RNF144A: variants seen among roughly 807,000 people sequenced by gnomAD.
RNF144A encodes the protein E3 ubiquitin-protein ligase RNF144A.
Under a neutral mutation model 38.7 loss-of-function variants are expected in RNF144A, and 11 were observed. The ratio of observed to expected loss-of-function variants is 0.28; its 90% CI spans 0.18 to 0.47. The LOEUF is 0.47. Among genes scored for constraint, RNF144A ranks in the 20% least tolerant of loss-of-function variants. The probability of loss-of-function intolerance (pLI) is 0.99; values close to 1 mark genes in which losing one functional copy is unlikely to be tolerated. For missense variants in RNF144A, 316 were observed against 377.2 expected, an observed-to-expected ratio of 0.84 and a Z score of 1.34; for synonymous variants, 149 against 143.9, an observed-to-expected ratio of 1.04 and a Z score of -0.25.
chr2:7,059,919 A>G (rs931765076), intron 6 of RNF144A, among the ~76,000 whole-genome samples: 2 of 152,222 alleles, frequency 1.3e-5, no homozygotes, highest in Admixed American at 6.5e-5. Context: ...AGGTAGAAAA[A>G]TAAAGTTATG....
At chr2:7,052,675 G>A (rs1355901734) in intron 6 of RNF144A, among the ~76,000 whole-genome samples, 1 of 152,154 alleles carries the variant, frequency 6.6e-6, no homozygotes, top group Non-Finnish European at 1.5e-5. Flanking sequence ...GTTTCAGAAG[G>A]GAAGACTCTG....
At chr2:7,003,445 A>T (rs892863962) in intron 3 of RNF144A, among the ~76,000 whole-genome samples, 36 of 152,210 alleles carry the variant, frequency 2.4e-4, no homozygotes, top group Non-Finnish European at 4.6e-4. Context: ...CTATGTTTAG[A>T]AATTTAGATG....
chr2:7,001,404 C>T (rs1307730156), intron 3 of RNF144A, among the ~76,000 whole-genome samples: 1 of 152,144 alleles, frequency 6.6e-6, no homozygotes, highest in Non-Finnish European at 1.5e-5. Flanking sequence ...TGCCCAGGCA[C>T]AGTGTCTCCT....
chr2:7,020,325 T>C (rs1671434027), intron 5 of RNF144A, 148 bp from the exon 6 acceptor site: 1 of 665,628 alleles, frequency 1.5e-6, no homozygotes, highest in Non-Finnish European at 2.6e-6. Context: ...AAGGGTGGCT[T>C]GGGCGGTGCT....
At chr2:6,998,555 A>G (rs1669905307) in intron 3 of RNF144A, among the ~76,000 whole-genome samples, 1 of 152,250 alleles carries the variant, frequency 6.6e-6, no homozygotes. Context: ...AGAGCTAATC[A>G]GTAAAATCTC....
intron 1 of RNF144A, among the ~76,000 whole-genome samples, chr2:6,934,648 C>T (rs528853918): frequency 6.6e-6 from 1 of 152,142 alleles, no homozygotes; most frequent in South Asian, 2.1e-4. Context: ...TTTTCCCAGC[C>T]TATTTTTTCC....
At chr2:6,984,171 C>A (rs373677076) in intron 2 of RNF144A, among the ~76,000 whole-genome samples, 1 of 152,126 alleles carries the variant, frequency 6.6e-6, no homozygotes, top group African/African-American at 2.4e-5. Context: ...TGTATCTTAC[C>A]GATTTATCTA....
intron 7 of RNF144A, among the ~76,000 whole-genome samples, chr2:7,028,181 G>A (rs760001166): frequency 3.3e-5 from 5 of 152,210 alleles, no homozygotes; most frequent in Non-Finnish European, 7.3e-5. Context: ...TGAAGGCTGA[G>A]TGAGTTTGTT....
Position 7,041,251 on chromosome 2 carries a change from T to C in RNF144A, c.*1491T>C, listed in dbSNP as rs1673024711. ...ACAAGCACATTTTTAAAATGTTGCT[T>C]TGTGTGTGTTTGACTTCTGCATTTG... On this transcript the variant is annotated 3_prime_UTR_variant, in exon 9 of 9. Transcript: ENST00000320892. The C allele has an allele frequency of 1.0e-6, 1 of 985,696 alleles. No individual in the cohort carries two copies. The highest frequency in any genetic ancestry group is 1.2e-6 in the Non-Finnish European group (1 of 829,938). 61.1% of individuals were successfully genotyped at this position (985,696 alleles called of 1,614,324 possible).
chr2:6,976,422 A>G (rs1029212981), intron 2 of RNF144A, among the ~76,000 whole-genome samples: 1 of 151,948 alleles, frequency 6.6e-6, no homozygotes, highest in Non-Finnish European at 1.5e-5. Flanking sequence ...TTTTTATTCA[A>G]TTGTTGCTCT....
chr2:6,932,146 CTT>C (rs781587554), intron 1 of RNF144A, among the ~76,000 whole-genome samples: 9 of 152,124 alleles, frequency 5.9e-5, no homozygotes, highest in Non-Finnish European at 8.8e-5. Context: ...AAATTGATCT[CTT>C]TATTATTTTG....
At chr2:7,022,511 C>T (rs1016714803) in intron 6 of RNF144A, among the ~76,000 whole-genome samples, 1 of 152,186 alleles carries the variant, frequency 6.6e-6, no homozygotes, top group Non-Finnish European at 1.5e-5. Context: ...TACACCAGAA[C>T]TTTCATATTT....
intron 7 of RNF144A, among the ~76,000 whole-genome samples, chr2:7,025,512 A>G (rs1671826202): frequency 6.6e-6 from 1 of 152,068 alleles, no homozygotes; most frequent in Non-Finnish European, 1.5e-5. Context: ...TGTCTCTACT[A>G]AAAATACAAA....
At chr2:7,048,739 A>G (rs769732794), downstream of RNF144A, among the ~76,000 whole-genome samples, 4 of 152,232 alleles carry the variant, frequency 2.6e-5, no homozygotes, top group Non-Finnish European at 4.4e-5. Flanking sequence ...GATTTCCACA[A>G]TCTGAAGCAG....
intron 1 of RNF144A, among the ~76,000 whole-genome samples, chr2:6,932,847 C>T (rs1281505516): frequency 6.6e-6 from 1 of 152,206 alleles, no homozygotes; most frequent in Non-Finnish European, 1.5e-5. Flanking sequence ...TGACAAATAT[C>T]TCCACTGCTG....
intron 2 of RNF144A, among the ~76,000 whole-genome samples, chr2:6,969,266 G>A (rs1667854628): frequency 6.6e-6 from 1 of 152,184 alleles, no homozygotes; most frequent in African/African-American, 2.4e-5. Context: ...TTTGGAGGGA[G>A]GGCCTTTACA....
chr2:6,991,114 G>A (rs762270189), intron 2 of RNF144A, among the ~76,000 whole-genome samples: 6 of 152,118 alleles, frequency 3.9e-5, no homozygotes, highest in Non-Finnish European at 8.8e-5. Context: ...CCAAATTTTG[G>A]CAGTTACGGC....
intron 2 of RNF144A, among the ~76,000 whole-genome samples, chr2:6,951,484 C>T (rs1666674279): frequency 6.6e-6 from 1 of 152,136 alleles, no homozygotes; most frequent in Non-Finnish European, 1.5e-5. Context: ...CTAATAGCAC[C>T]ATTAACAACA....
At position 7,022,865 on chromosome 2, in the gene RNF144A, C is replaced by G. The variant is rs545605524; in HGVS notation, c.510-1504C>G. On this transcript the variant is annotated intron_variant, in intron 6 of 8. Transcript: ENST00000320892. ...GCAACAACCTTAGTTCATTCTTTATCACATTCTGCATGACCAGGTTGGTCT... is the reference window on the plus strand; with the variant it reads ...GCAACAACCTTAGTTCATTCTTTATGACATTCTGCATGACCAGGTTGGTCT... 1.5e-4 allele frequency among the ~76,000 whole-genome samples: 23 copies of G among 152,328 alleles called. No individual in the cohort carries two copies. In the South Asian group the frequency reaches 4.8e-3, roughly 32 times the overall value.
Sources: gnomAD v4.1 joint callset for allele counts (sites outside exome capture counted in the v4.1 genomes callset) on GRCh38, gnomAD v4.1.1 for gene constraint, MANE v1.5 for transcripts, NCBI Gene and HGNC (gene_info 2026-07-23, HGNC 2026-07-21) for gene names.